RBM26: variants seen among roughly 807,000 people sequenced by gnomAD.
RBM26 encodes RNA-binding protein 26.
A neutral mutation model predicts 123.6 loss-of-function variants in RBM26; 30 were observed. The ratio of observed to expected loss-of-function variants is 0.24; its 90% confidence interval spans 0.18 to 0.33. The LOEUF is 0.33. Among genes scored for constraint, RBM26 ranks in the 10% least tolerant of loss-of-function variants. The pLI is 1.00. For synonymous variants in RBM26, 400 were observed against 404.4 expected (o/e 0.99, Z 0.13); for missense variants, 947 against 1,203.6 (o/e 0.79, Z 3.15).
At chr13:79,372,502 A>C (rs2076000851) in intron 3 of RBM26, among the ~76,000 whole-genome samples, 1 of 151,534 alleles carries the variant, frequency 6.6e-6, no homozygotes, top group Admixed American at 6.6e-5. Context: ...ATTGGTGAGA[A>C]AACATTTTAA....
intron 10 of RBM26, among the ~76,000 whole-genome samples, chr13:79,358,792 T>C (rs991266631): frequency 6.6e-6 from 1 of 152,220 alleles, no homozygotes; most frequent in Non-Finnish European, 1.5e-5. Context: ...CTAAAAAATA[T>C]CCTATCTTAA....
chr13:79,375,658 T>C (rs190764664), intron 3 of RBM26, among the ~76,000 whole-genome samples: 1 of 152,222 alleles, frequency 6.6e-6, no homozygotes, highest in Non-Finnish European at 1.5e-5. Flanking sequence ...TAAATTACAT[T>C]TCTGGTCTTC....
intron 6 of RBM26, among the ~76,000 whole-genome samples, 169 bp downstream of exon 6, chr13:79,368,561 G>A (rs1451715256): frequency 1.3e-5 from 2 of 152,110 alleles, no homozygotes; most frequent in African/African-American, 4.8e-5. Flanking sequence ...AATCAAATTA[G>A]TGGCAACTAA....
intron 18 of RBM26, among the ~76,000 whole-genome samples, chr13:79,339,294 T>C (rs1260639126): frequency 6.6e-6 from 1 of 152,138 alleles, no homozygotes; most frequent in Non-Finnish European, 1.5e-5. Context: ...GGTCAAAGTG[T>C]ACAATGTTTC....
In RBM26 at chr13:79,319,596, G is replaced by A. The variant is rs566767087; in HGVS notation, c.*1025C>T. The A allele has an allele frequency of 9.2e-6, 9 of 983,274 alleles. No individual in the cohort carries two copies. The highest frequency in any genetic ancestry group is 5.2e-5 in the African/African-American group (3 of 57,182). The allele number at this position is 983,274 out of a possible 1,614,324, so 60.9% of individuals were successfully genotyped here. ...TTTCTTTATTCATATATCTTCAAATGGTCAAGTTTTCTTTCATACATCCAA... is the reference window on the plus strand; with the variant it reads ...TTTCTTTATTCATATATCTTCAAATAGTCAAGTTTTCTTTCATACATCCAA... On this transcript the variant is annotated 3_prime_UTR_variant, in exon 22 of 22. Transcript: ENST00000438737.
chr13:79,351,661 A>C (rs993901074), intron 14 of RBM26, among the ~76,000 whole-genome samples: 1 of 152,136 alleles, frequency 6.6e-6, no homozygotes, highest in Non-Finnish European at 1.5e-5. Flanking sequence ...TAAAATAATA[A>C]AAGTCAGGAA....
intron 21 of RBM26, 124 bp downstream of exon 21, chr13:79,322,225 C>A (rs2067759839): frequency 7.4e-6 from 4 of 540,482 alleles, no homozygotes; most frequent in Non-Finnish European, 1.3e-5. Flanking sequence ...TATCTGATAT[C>A]CCCTGCCTGG....
At chr13:79,374,660 C>CA (rs1301962037) in intron 3 of RBM26, among the ~76,000 whole-genome samples, 3 of 151,868 alleles carry the variant, frequency 2.0e-5, no homozygotes, top group Admixed American at 6.6e-5. Flanking sequence ...CCAGACCAGA[C>CA]AAAAAACCGG....
chr13:79,320,358 T>C lies in RBM26; in HGVS notation c.*263A>G. 1 of 1,066,226 alleles carries C rather than the reference T, an allele frequency of 9.4e-7. No homozygotes were observed. Among genetic ancestry groups the C allele is most frequent in the South Asian group, 4.4e-5 (1 of 22,582 alleles). The allele number at this position is 1,066,226 out of a possible 1,614,324, so 66.0% of individuals were successfully genotyped here. A position where few individuals can be genotyped will look rare whatever the true frequency, so the allele number is the denominator to read the frequency against. ...ACAAAGAACCCAAAGAATTCTGTGATGTCCAGTAGAAGTATGTAATAAAAA... is the reference window on the plus strand; with the variant it reads ...ACAAAGAACCCAAAGAATTCTGTGACGTCCAGTAGAAGTATGTAATAAAAA... On this transcript the variant is annotated 3_prime_UTR_variant, in exon 22 of 22. Coordinates refer to ENST00000438737, the MANE Select transcript of RBM26 (RefSeq NM_001366735.2).
chr13:79,370,189 G>A (rs955042626), intron 5 of RBM26, among the ~76,000 whole-genome samples: 1 of 152,008 alleles, frequency 6.6e-6, no homozygotes, highest in South Asian at 2.1e-4. Flanking sequence ...GGTGGCACTT[G>A]CCTGTAATCC....
At chr13:79,362,133 T>C (rs2074765389) in intron 9 of RBM26, among the ~76,000 whole-genome samples, 1 of 152,176 alleles carries the variant, frequency 6.6e-6, no homozygotes, top group African/African-American at 2.4e-5. Flanking sequence ...TGGACATTTC[T>C]ACTCAAATGC....
In RBM26 at chr13:79,344,762, T is replaced by A. The variant is rs1385677826; in HGVS notation, c.2091A>T (p.Thr697=). The change falls in exon 15 of 22, where the codon ACA becomes ACT. Residue 697 remains threonine, a synonymous_variant. Transcript: ENST00000438737. Reference sequence around the variant, plus strand: ...CCTTCAAAGCAGCTGGATTATACACTGTTTTTGTTAGGCCAGTAGATGTAG... The same window carrying A: ...CCTTCAAAGCAGCTGGATTATACACAGTTTTTGTTAGGCCAGTAGATGTAG... ...VLSTSTGLTK[T]VYNPAALKAA... The A allele has an allele frequency of 1.9e-6, 3 of 1,613,198 alleles. No homozygotes were observed. The highest frequency in any genetic ancestry group is 2.7e-5 in the African/African-American group (2 of 74,898).
Position 79,353,269 on chromosome 13 carries a change from TAA to T in RBM26, c.1987-47_1987-46del, listed in dbSNP as rs752905297. ...CATATTCAGTGTTTCCCCAAACATATAAAAGTCTGTTGGGATCTTGAACATTC... is the reference window on the plus strand; with the variant it reads ...CATATTCAGTGTTTCCCCAAACATATAAGTCTGTTGGGATCTTGAACATTC... On this transcript the variant is annotated intron_variant, in intron 13 of 21. Coordinates refer to ENST00000438737, the MANE Select transcript of RBM26 (RefSeq NM_001366735.2). 6.2e-6 allele frequency: 7 copies of T among 1,135,964 alleles called. No individual in the cohort carries two copies. The East Asian group carries it at 1.0e-4, about 17-fold the overall frequency. 70.4% of individuals were successfully genotyped at this position (1,135,964 alleles called of 1,614,324 possible). A position where few individuals can be genotyped will look rare whatever the true frequency, so the allele number is the denominator to read the frequency against.
Position 79,374,482 on chromosome 13 carries a change from G to A in RBM26, c.328-2552C>T, listed in dbSNP as rs145895632. Among the ~76,000 whole-genome samples, 50 of 152,056 alleles carry A rather than the reference G, an allele frequency of 3.3e-4. No homozygotes were observed. The East Asian group carries it at 8.1e-3, about 25-fold the overall frequency. ...AGCCTGGGCAATAGACTAAGACTCCGTCTCAAAAAACAAACAAAAAAAAGT... is the reference window on the plus strand; with the variant it reads ...AGCCTGGGCAATAGACTAAGACTCCATCTCAAAAAACAAACAAAAAAAAGT... On this transcript the variant is annotated intron_variant, in intron 3 of 21. Coordinates refer to ENST00000438737, the MANE Select transcript of RBM26 (RefSeq NM_001366735.2).
At chr13:79,404,174 C>G (rs1464810163) in intron 1 of RBM26, among the ~76,000 whole-genome samples, 1 of 152,150 alleles carries the variant, frequency 6.6e-6, no homozygotes, top group Non-Finnish European at 1.5e-5. Flanking sequence ...TTATTATTAT[C>G]AAAACTAGCC....
chr13:79,321,782 GA>G (rs1291196246), intron 21 of RBM26, among the ~76,000 whole-genome samples: 1 of 151,336 alleles, frequency 6.6e-6, no homozygotes, highest in Non-Finnish European at 1.5e-5. Context: ...TCCTTCCTCT[GA>G]GTTTCCAGAG....
At position 79,322,579 on chromosome 13, in the gene RBM26, C is replaced by G. The variant is rs769223943; in HGVS notation, c.2821-117G>C. ...GCTAAAGACAACTGAAGATGGCTATCTGCCCATTTGCTTTTTGATTATTTA... is the reference window on the plus strand; with the variant it reads ...GCTAAAGACAACTGAAGATGGCTATGTGCCCATTTGCTTTTTGATTATTTA... On this transcript the variant is annotated intron_variant, in intron 20 of 21. Transcript: ENST00000438737. 1.6e-4 allele frequency: 93 copies of G among 574,990 alleles called. No individual in the cohort carries two copies. The Middle Eastern group carries it at 3.3e-3, about 20-fold the overall frequency. 35.6% of individuals were successfully genotyped at this position (574,990 alleles called of 1,614,324 possible). A position where few individuals can be genotyped will look rare whatever the true frequency, so the allele number is the denominator to read the frequency against.
intron 14 of RBM26, among the ~76,000 whole-genome samples, chr13:79,346,503 G>A (rs777963825): frequency 1.3e-5 from 2 of 152,000 alleles, no homozygotes; most frequent in Non-Finnish European, 2.9e-5. Flanking sequence ...CTCCCAAGTA[G>A]CTGGGACCTC....
intron 14 of RBM26, among the ~76,000 whole-genome samples, chr13:79,349,325 C>G (rs2072839793): frequency 1.3e-5 from 2 of 151,864 alleles, no homozygotes; most frequent in South Asian, 4.2e-4. Context: ...ATCTTTTGAC[C>G]AACATTTCCC....
Sources: gnomAD v4.1 joint callset for allele counts (sites outside exome capture counted in the v4.1 genomes callset) on GRCh38, gnomAD v4.1.1 for gene constraint, MANE v1.5 for transcripts, NCBI Gene and HGNC (gene_info 2026-07-23, HGNC 2026-07-21) for gene names.